Variants in ZNF347 observed in about 807,000 individuals in gnomAD.
The protein encoded by ZNF347 is zinc finger protein 347, also known as CTD-2620I22.7.
A neutral mutation model predicts 12.9 loss-of-function variants in ZNF347; 19 were observed. That is an observed-to-expected ratio of 1.47 (90% CI 1.03 to 2.16). The LOEUF (loss-of-function observed/expected upper bound fraction) is 2.16. Ranked by LOEUF, ZNF347 falls within the 30% of genes most tolerant of loss-of-function variation. The pLI is 0.00. For missense variants in ZNF347, 1,005 were observed against 990.6 expected (o/e 1.01, Z -0.19); for synonymous variants, 328 against 340.6 (o/e 0.96, Z 0.41).
chr19:53,155,980 A>C (rs796977600), intron 1 of ZNF347, among the ~76,000 whole-genome samples: 2 of 131,654 alleles, frequency 1.5e-5, no homozygotes, highest in African/African-American at 5.7e-5. Context: ...CTTCACCTCT[A>C]GTCACCAAAA....
In ZNF347 at chr19:53,153,757, G is replaced by A. The variant is rs1413022202; in HGVS notation, c.-10C>T. ...CCTGGGTGAGAGCCATGCCTGACTTGTCTTTCTTTCCTCTTCCTCTTCTTC... is the reference window on the plus strand; with the variant it reads ...CCTGGGTGAGAGCCATGCCTGACTTATCTTTCTTTCCTCTTCCTCTTCTTC... On this transcript the variant is annotated 5_prime_UTR_variant, in exon 2 of 5. Transcript: ENST00000334197. 6.2e-7 allele frequency: 1 copy of A among 1,613,992 alleles called. No homozygotes were observed. Among genetic ancestry groups the A allele is most frequent in the Admixed American group, 1.7e-5 (1 of 60,010 alleles).
intron 4 of ZNF347, among the ~76,000 whole-genome samples, chr19:53,143,213 G>A (rs1171627225): frequency 6.6e-6 from 1 of 151,902 alleles, no homozygotes; most frequent in Non-Finnish European, 1.5e-5. Context: ...GCTATAGGAT[G>A]TTTTTATATT....
rs2090381414 is a variant in ZNF347, at chr19:53,135,335, T to TAGAG, written c.*4972_*4973insCTCT. The TAGAG allele has an allele frequency of 5.0e-5, 4 of 79,318 alleles. No homozygotes were observed. The highest frequency in any genetic ancestry group is 6.9e-5 in the Non-Finnish European group (3 of 43,342). The allele number at this position is 79,318 out of a possible 1,614,324, so 4.9% of individuals were successfully genotyped here. A position where few individuals can be genotyped will look rare whatever the true frequency, so the allele number is the denominator to read the frequency against. On this transcript the variant is annotated 3_prime_UTR_variant, in exon 5 of 5. Transcript: ENST00000334197. ...ATATATATATATATATATATATATATATATAGAGAGAGAGAGAGAGAGAGA... is the reference window on the plus strand; with the variant it reads ...ATATATATATATATATATATATATATAGAGATATAGAGAGAGAGAGAGAGAGAGA...
rs2090399709 is a variant in ZNF347 at position 53,138,593 on chromosome 19, T to C, written c.*1715A>G. The C allele has an allele frequency of 6.6e-6, 1 of 152,156 alleles. No homozygotes were observed. Among genetic ancestry groups the C allele is most frequent in the South Asian group, 2.1e-4 (1 of 4,828 alleles). 9.4% of individuals were successfully genotyped at this position (152,156 alleles called of 1,614,324 possible). On this transcript the variant is annotated 3_prime_UTR_variant, in exon 5 of 5. Coordinates refer to ENST00000334197, the MANE Select transcript of ZNF347 (RefSeq NM_032584.3). ...CTATGGGATTTTCATTATATCCATA[T>C]AAATATTCTAAGGCAGAGTGTAGAG...
At chr19:53,156,746 G>A (rs910229473) in intron 1 of ZNF347, among the ~76,000 whole-genome samples, 17 of 152,180 alleles carry the variant, frequency 1.1e-4, no homozygotes, top group Non-Finnish European at 4.4e-5. Flanking sequence ...TGTATAGCTG[G>A]TCGCTCAGAA....
intron 1 of ZNF347, among the ~76,000 whole-genome samples, chr19:53,158,500 G>A (rs954374642): frequency 1.3e-5 from 2 of 152,158 alleles, no homozygotes; most frequent in Non-Finnish European, 2.9e-5. Context: ...GACGCGAAAG[G>A]CCGGGGACAG....
intron 4 of ZNF347, among the ~76,000 whole-genome samples, chr19:53,145,930 C>CT (rs2146804737): frequency 6.7e-6 from 1 of 150,128 alleles, no homozygotes; most frequent in South Asian, 2.1e-4. Context: ...AAAATAAAGA[C>CT]TAAAAAAAAA....
In ZNF347 at chr19:53,142,536, T is replaced by C. The variant is rs2090436479; in HGVS notation, c.292A>G (p.Met98Val). 6.3e-7 allele frequency: 1 copy of C among 1,592,020 alleles called. No homozygotes were observed. The highest frequency in any genetic ancestry group is 1.4e-5 in the African/African-American group (1 of 73,970). The change falls in exon 5 of 5, where the codon ATG (methionine) becomes GTG (valine). Residue 98 changes from methionine (M) to valine (V), a missense_variant. Met to Val is a conservative substitution (Grantham distance 21). Coordinates refer to ENST00000334197, the MANE Select transcript of ZNF347 (RefSeq NM_032584.3). ...VITALSSEFV[M>V]KDLLHKGKSN... ...TTCCCTTTGTGTAGTAAATCTTTCA[T>C]TACAAATTCGGAAGAGAGAGCTACA...
At position 53,149,003 on chromosome 19, in the gene ZNF347, G is replaced by A. The variant is rs141509306; in HGVS notation, c.143-194C>T. 233 of 1,087,652 alleles carry A rather than the reference G, an allele frequency of 2.1e-4. 1 individual carries two copies. The East Asian group carries it at 5.8e-3, about 27-fold the overall frequency. The allele number at this position is 1,087,652 out of a possible 1,614,324, so 67.4% of individuals were successfully genotyped here. A position where few individuals can be genotyped will look rare whatever the true frequency, so the allele number is the denominator to read the frequency against. On this transcript the variant is annotated intron_variant, in intron 3 of 4. Transcript: ENST00000334197. ...ATATAGCTCTCATCCCAAAACCACT[G>A]AATCAAAGCATGGGGATAGAAAACA...
Position 53,135,489 on chromosome 19 carries a change from C to T in ZNF347, c.*4819G>A, listed in dbSNP as rs914832843. 16 of 152,066 alleles carry T rather than the reference C, an allele frequency of 1.1e-4. No individual in the cohort carries two copies. The highest frequency in any genetic ancestry group is 3.9e-4 in the African/African-American group (16 of 41,378). 9.4% of individuals were successfully genotyped at this position (152,066 alleles called of 1,614,324 possible). A position where few individuals can be genotyped will look rare whatever the true frequency, so the allele number is the denominator to read the frequency against. On this transcript the variant is annotated 3_prime_UTR_variant, in exon 5 of 5. Coordinates refer to ENST00000334197, the MANE Select transcript of ZNF347 (RefSeq NM_032584.3). The stretch of plus-strand genomic sequence containing the variant: ...CCAGGCTCAAGCAATTCTCCTGCCT[C>T]AGCCTCCCGAATAGCTGGGATTACA...
At chr19:53,145,730 C>T (rs2090458687) in intron 4 of ZNF347, among the ~76,000 whole-genome samples, 1 of 151,692 alleles carries the variant, frequency 6.6e-6, no homozygotes. Flanking sequence ...CAAAACAGCA[C>T]AATCTATAGG....
chr19:53,156,471 C>T (rs906781219), intron 1 of ZNF347, among the ~76,000 whole-genome samples: 1 of 152,040 alleles, frequency 6.6e-6, no homozygotes, highest in Non-Finnish European at 1.5e-5. Flanking sequence ...AACTGCCCCT[C>T]ACTTCAGACA....
chr19:53,140,546 C>T lies in ZNF347; in HGVS notation c.2282G>A (p.Gly761Glu), dbSNP rs948806416. 1 of 1,613,730 alleles carries T rather than the reference C, an allele frequency of 6.2e-7. No individual in the cohort carries two copies. The highest frequency in any genetic ancestry group is 1.3e-5 in the African/African-American group (1 of 74,864). Reference sequence around the variant, plus strand: ...CTCATTACACTTGTAAGGTTTCTCTCCAGTATGAATTCCCCGATGTCTTGC... The same window carrying T: ...CTCATTACACTTGTAAGGTTTCTCTTCAGTATGAATTCCCCGATGTCTTGC... Reference protein sequence around the residue: ...HLARHRGIHTGEKPYKCNECG... With the variant: ...HLARHRGIHTEEKPYKCNECG... The change falls in exon 5 of 5, where the codon GGA (glycine) becomes GAA (glutamate). Residue 761 changes from glycine to glutamate, a missense_variant. Gly to Glu is a moderately conservative substitution (Grantham distance 98). Coordinates refer to ENST00000334197, the MANE Select transcript of ZNF347 (RefSeq NM_032584.3).
intron 2 of ZNF347, among the ~76,000 whole-genome samples, chr19:53,152,092 C>CAA (rs1186310928): frequency 0.028 from 2,485 of 89,592 alleles, 83 homozygotes; most frequent in Non-Finnish European, 0.033. Flanking sequence ...GACTCTGTCT[C>CAA]AAAAAAAAAA....
rs2090399598 is a variant in ZNF347, at chr19:53,138,578, T to A, written c.*1730A>T. ...TGAAAACTGCACTTTCTATGGGATTTTCATTATATCCATATAAATATTCTA... is the reference window on the plus strand; with the variant it reads ...TGAAAACTGCACTTTCTATGGGATTATCATTATATCCATATAAATATTCTA... On this transcript the variant is annotated 3_prime_UTR_variant, in exon 5 of 5. Coordinates refer to ENST00000334197, the MANE Select transcript of ZNF347 (RefSeq NM_032584.3). 1 of 152,206 alleles carries A rather than the reference T, an allele frequency of 6.6e-6. No individual in the cohort carries two copies. The highest frequency in any genetic ancestry group is 1.5e-5 in the Non-Finnish European group (1 of 68,034). The allele number at this position is 152,206 out of a possible 1,614,324, so 9.4% of individuals were successfully genotyped here. A position where few individuals can be genotyped will look rare whatever the true frequency, so the allele number is the denominator to read the frequency against.
intron 2 of ZNF347, 121 bp downstream of exon 2, chr19:53,153,612 G>A (rs927304860): frequency 2.4e-5 from 35 of 1,455,338 alleles, no homozygotes; most frequent in Middle Eastern, 1.7e-4. Context: ...GAAGGCACGC[G>A]TAAGTGCGAG....
At chr19:53,149,180 C>T in intron 3 of ZNF347, 61 bp downstream of exon 3, 1 of 1,594,376 alleles carries the variant, frequency 6.3e-7, no homozygotes, top group Non-Finnish European at 8.5e-7. Context: ...AGGAGAGCCA[C>T]ATGGAAAATG....
chr19:53,152,937 AT>A (rs1433500401), intron 2 of ZNF347, among the ~76,000 whole-genome samples: 2 of 152,180 alleles, frequency 1.3e-5, no homozygotes, highest in Admixed American at 6.5e-5. Flanking sequence ...CTCAAAAAAA[AT>A]AAAATAAAAA....
At chr19:53,148,637 A>G (rs2090477631) in intron 4 of ZNF347, 44 bp downstream of exon 4, 2 of 1,575,288 alleles carry the variant, frequency 1.3e-6, no homozygotes, top group Non-Finnish European at 1.7e-6. Context: ...TTTCCCAAAC[A>G]CTATTTAATA....
Sources: allele counts gnomAD v4.1 joint callset (sites outside exome capture counted in the v4.1 genomes callset), GRCh38; gene constraint gnomAD v4.1.1; transcripts MANE v1.5; gene names NCBI Gene and HGNC (gene_info 2026-07-23, HGNC 2026-07-21).